Variants in MACROD2 observed in about 807,000 individuals in gnomAD.
MACROD2 encodes mono-ADP ribosylhydrolase 2.
Under a neutral mutation model 70.4 loss-of-function variants are expected in MACROD2, and 36 were observed. The observed-to-expected ratio is 0.51, with a 90% confidence interval of 0.39 to 0.68. MACROD2 has a LOEUF of 0.68. MACROD2 is among the 30% of genes least tolerant of loss of function. The pLI, the probability that MACROD2 is intolerant of heterozygous loss-of-function variation, is 0.00. For missense variants in MACROD2, 496 were observed against 538.4 expected, an observed-to-expected ratio of 0.92 and a Z score of 0.78; for synonymous variants, 172 against 178.8, an observed-to-expected ratio of 0.96 and a Z score of 0.30.
intron 8 of MACROD2, among the ~76,000 whole-genome samples, chr20:15,569,037 G>A (rs535002866): frequency 3.3e-5 from 5 of 152,112 alleles, no homozygotes; most frequent in African/African-American, 7.2e-5. Flanking sequence ...TGACCAGCAC[G>A]TGACTTCCCC....
At chr20:14,060,120 A>G (rs545751161) in intron 2 of MACROD2, among the ~76,000 whole-genome samples, 12 of 152,320 alleles carry the variant, frequency 7.9e-5, no homozygotes, top group African/African-American at 2.9e-4. Context: ...AAAGATCTTT[A>G]ACTATAGAGC....
intron 2 of MACROD2, among the ~76,000 whole-genome samples, chr20:14,027,621 G>A (rs1001788443): frequency 8.6e-5 from 13 of 151,930 alleles, no homozygotes; most frequent in African/African-American, 3.1e-4. Flanking sequence ...TGTTGATGTT[G>A]ATGCTGTTCC....
At chr20:14,976,721 G>A (rs1195566925) in intron 5 of MACROD2, among the ~76,000 whole-genome samples, 1 of 152,122 alleles carries the variant, frequency 6.6e-6, no homozygotes, top group Non-Finnish European at 1.5e-5. Context: ...CTGTTGCTTA[G>A]AATCAAATCA....
chr20:15,359,860 A>G (rs1343218879), intron 6 of MACROD2, among the ~76,000 whole-genome samples: 4 of 152,206 alleles, frequency 2.6e-5, no homozygotes, highest in Non-Finnish European at 5.9e-5. Flanking sequence ...CAAAACTAGG[A>G]AATTGACATT....
chr20:15,400,754 T>C (rs910133880), intron 6 of MACROD2, among the ~76,000 whole-genome samples: 1 of 152,196 alleles, frequency 6.6e-6, no homozygotes, highest in African/African-American at 2.4e-5. Flanking sequence ...ATGAACACAT[T>C]TGCCTTTGGC....
chr20:14,047,505 G>A (rs946621748), intron 2 of MACROD2, among the ~76,000 whole-genome samples: 1 of 151,412 alleles, frequency 6.6e-6, no homozygotes, highest in East Asian at 1.9e-4. Flanking sequence ...CCAAACTTAG[G>A]TTATTCCTGG....
intron 8 of MACROD2, among the ~76,000 whole-genome samples, chr20:15,712,545 G>T (rs2050643669): frequency 6.6e-6 from 1 of 152,112 alleles, no homozygotes; most frequent in Non-Finnish European, 1.5e-5. Context: ...AAGAGCCAGG[G>T]AAGTTGCTCT....
intron 3 of MACROD2, among the ~76,000 whole-genome samples, chr20:14,350,813 T>A (rs1332983373): frequency 6.6e-6 from 1 of 152,190 alleles, no homozygotes; most frequent in East Asian, 1.9e-4. Flanking sequence ...TGTGGGGTAT[T>A]ACTCAAGAAA....
At chr20:15,065,686 C>A (rs2075568886) in intron 5 of MACROD2, among the ~76,000 whole-genome samples, 1 of 150,920 alleles carries the variant, frequency 6.6e-6, no homozygotes, top group Admixed American at 6.6e-5. Context: ...AAGTAATTTA[C>A]AGTTTTATTT....
At chr20:15,947,956 C>T (rs980065173) in intron 12 of MACROD2, among the ~76,000 whole-genome samples, 1 of 151,586 alleles carries the variant, frequency 6.6e-6, no homozygotes, top group Non-Finnish European at 1.5e-5. Context: ...CGAAGGCACC[C>T]CTCCTGAGGA....
chr20:14,205,446 A>C (rs1030005516), intron 3 of MACROD2, among the ~76,000 whole-genome samples: 17 of 152,164 alleles, frequency 1.1e-4, no homozygotes, highest in African/African-American at 4.1e-4. Context: ...GTTGAGTACC[A>C]ATACTTTGTT....
chr20:15,461,111 G>A (rs1325000759), intron 7 of MACROD2, among the ~76,000 whole-genome samples: 6 of 150,582 alleles, frequency 4.0e-5, no homozygotes, highest in Non-Finnish European at 8.9e-5. Flanking sequence ...GGGCTCAAGT[G>A]AGTCTCCTGC....
intron 3 of MACROD2, among the ~76,000 whole-genome samples, chr20:14,334,199 T>C (rs2082895274): frequency 6.6e-6 from 1 of 152,212 alleles, no homozygotes; most frequent in Non-Finnish European, 1.5e-5. Flanking sequence ...TAACTCAAAG[T>C]TCTTTCTTAC....
intron 5 of MACROD2, among the ~76,000 whole-genome samples, chr20:15,194,851 C>G (rs1358502156): frequency 6.6e-6 from 1 of 152,124 alleles, no homozygotes; most frequent in Non-Finnish European, 1.5e-5. Flanking sequence ...CATGTTCTTC[C>G]AGCCTCGTGG....
chr20:15,125,893 A>G (rs916894983), intron 5 of MACROD2, among the ~76,000 whole-genome samples: 2 of 140,452 alleles, frequency 1.4e-5, no homozygotes, highest in Non-Finnish European at 3.3e-5. Context: ...CTGTCTCTCT[A>G]AATTTGCCTA....
chr20:14,801,247 G>T (rs769530144), intron 5 of MACROD2, among the ~76,000 whole-genome samples: 8 of 152,070 alleles, frequency 5.3e-5, no homozygotes, highest in African/African-American at 9.7e-5. Flanking sequence ...TTTCCCCTGC[G>T]CCCCTCAGCA....
intron 15 of MACROD2, among the ~76,000 whole-genome samples, chr20:15,990,744 C>T (rs2066546953): frequency 6.6e-6 from 1 of 152,162 alleles, no homozygotes. Flanking sequence ...ACCAGCATGA[C>T]CTTGAGACAT....
At chr20:14,473,676 T>G (rs1455601640) in intron 3 of MACROD2, among the ~76,000 whole-genome samples, 1 of 152,228 alleles carries the variant, frequency 6.6e-6, no homozygotes, top group Non-Finnish European at 1.5e-5. Flanking sequence ...GAAGTAGGAT[T>G]AAAGGATCAT....
intron 3 of MACROD2, among the ~76,000 whole-genome samples, chr20:14,477,241 A>G (rs1834987385): frequency 6.6e-6 from 1 of 152,162 alleles, no homozygotes; most frequent in Admixed American, 6.6e-5. Context: ...AGGGAGTTCA[A>G]TCAAAACATA....
Sources: allele counts gnomAD v4.1 joint callset (sites outside exome capture counted in the v4.1 genomes callset), GRCh38; gene constraint gnomAD v4.1.1; transcripts MANE v1.5; gene names NCBI Gene and HGNC (gene_info 2026-07-23, HGNC 2026-07-21).